RAD18: variants seen among roughly 807,000 people sequenced by gnomAD.
RAD18 encodes E3 ubiquitin-protein ligase RAD18.
Under a neutral mutation model 60.4 loss-of-function variants are expected in RAD18, and 47 were observed. The ratio of observed to expected loss-of-function variants is 0.78; its 90% confidence interval spans 0.62 to 0.99. The LOEUF (loss-of-function observed/expected upper bound fraction) is 0.99. Ranked by LOEUF, RAD18 falls within the 50% of genes least tolerant of loss-of-function variation. The pLI, the probability that RAD18 is intolerant of heterozygous loss-of-function variation, is 0.00. For missense variants in RAD18, 640 were observed against 593.3 expected, an observed-to-expected ratio of 1.08 and a Z score of -0.82; for synonymous variants, 225 against 195.5, an observed-to-expected ratio of 1.15 and a Z score of -1.26.
intron 9 of RAD18, among the ~76,000 whole-genome samples, chr3:8,903,206 T>C (rs1439060557): frequency 2.0e-5 from 3 of 152,174 alleles, no homozygotes; most frequent in Non-Finnish European, 2.9e-5. Context: ...AAACATGATA[T>C]TCCTAGTTAG....
chr3:8,884,872 T>A (rs1211899144), intron 12 of RAD18, among the ~76,000 whole-genome samples: 5 of 152,242 alleles, frequency 3.3e-5, no homozygotes, highest in Non-Finnish European at 5.9e-5. Flanking sequence ...ATTGACTTAC[T>A]GGAATAACAC....
chr3:8,922,666 C>T (rs544600853), intron 7 of RAD18, among the ~76,000 whole-genome samples: 1 of 152,332 alleles, frequency 6.6e-6, no homozygotes, highest in South Asian at 2.1e-4. Flanking sequence ...AGGCACCTCC[C>T]AGTAGGGGCA....
chr3:8,917,610 A>G (rs1476464755), intron 7 of RAD18, among the ~76,000 whole-genome samples: 1 of 152,158 alleles, frequency 6.6e-6, no homozygotes, highest in Non-Finnish European at 1.5e-5. Flanking sequence ...TGCAAACCCT[A>G]GAGAGAACAC....
At chr3:8,945,280 G>A (rs1024075115) in intron 4 of RAD18, among the ~76,000 whole-genome samples, 2 of 152,034 alleles carry the variant, frequency 1.3e-5, no homozygotes, top group Non-Finnish European at 2.9e-5. Flanking sequence ...AAAGAAATCT[G>A]TTTATATTTT....
At chr3:8,915,289 G>A (rs571972237) in intron 7 of RAD18, among the ~76,000 whole-genome samples, 30 of 152,192 alleles carry the variant, frequency 2.0e-4, no homozygotes, top group African/African-American at 7.0e-4. Flanking sequence ...GAGAAAAAGC[G>A]GGATAACTTA....
At chr3:8,927,031 A>G (rs983189188) in intron 7 of RAD18, among the ~76,000 whole-genome samples, 5 of 152,138 alleles carry the variant, frequency 3.3e-5, no homozygotes, top group African/African-American at 1.2e-4. Flanking sequence ...ACCAAAAGCA[A>G]TGGCAACAAA....
intron 9 of RAD18, among the ~76,000 whole-genome samples, chr3:8,910,671 CT>C (rs2125054278): frequency 6.6e-6 from 1 of 151,918 alleles, no homozygotes; most frequent in African/African-American, 2.4e-5. Context: ...AATTGTCTGG[CT>C]TGAGCCATAA....
Position 8,913,649 on chromosome 3 carries a change from C to T in RAD18, c.961G>A (p.Glu321Lys). 6.4e-7 allele frequency: 1 copy of T among 1,554,018 alleles called. No individual in the cohort carries two copies. The highest frequency in any genetic ancestry group is 1.2e-5 in the South Asian group (1 of 82,866). Reference protein sequence around the residue: ...RMRLEASKLNESVMVFTKDQT... With the variant: ...RMRLEASKLNKSVMVFTKDQT... ...GAAATAGCCCATTAACATACACTTT[C>T]ATTGAGTTTACTAGCTTCAAGACGC... The change falls in exon 8 of 13, where the codon GAA (glutamate) becomes AAA (lysine). Residue 321 changes from glutamate to lysine, a missense_variant. Transcript: ENST00000264926.
chr3:8,890,200 A>C lies in RAD18; in HGVS notation c.1385+189T>G, dbSNP rs1297615116. On this transcript the variant is annotated intron_variant, in intron 12 of 12. Coordinates refer to ENST00000264926, the MANE Select transcript of RAD18 (RefSeq NM_020165.4). ...CATCTGATACATAACTACAGTTATTACATAGGATTCCATTTCTTAGCAGAA... is the reference window on the plus strand; with the variant it reads ...CATCTGATACATAACTACAGTTATTCCATAGGATTCCATTTCTTAGCAGAA... 2.1e-5 allele frequency: 12 copies of C among 577,612 alleles called. 1 individual carries two copies. Among genetic ancestry groups the C allele is most frequent in the African/African-American group, 3.7e-5 (2 of 53,418 alleles). 35.8% of individuals were successfully genotyped at this position (577,612 alleles called of 1,614,324 possible).
At chr3:8,915,262 ACT>A (rs148204417) in intron 7 of RAD18, among the ~76,000 whole-genome samples, 15 of 152,096 alleles carry the variant, frequency 9.9e-5, no homozygotes, top group Non-Finnish European at 1.8e-4. Flanking sequence ...AAATAATGTC[ACT>A]CTCACCCTAA....
At chr3:8,927,199 C>A (rs1161826) in intron 7 of RAD18, among the ~76,000 whole-genome samples, 105,005 of 152,042 alleles carry the variant, frequency 0.69, 36,808 homozygotes, top group Middle Eastern at 0.77. Flanking sequence ...CAATGAACTC[C>A]AACAAATTTA....
intron 6 of RAD18, 94 bp downstream of exon 6, chr3:8,939,460 T>C (rs1575556886): frequency 1.0e-6 from 1 of 1,004,990 alleles, no homozygotes; most frequent in Middle Eastern, 2.2e-4. Flanking sequence ...GGAAATACGG[T>C]CACCAGGATA....
At chr3:8,913,446 C>T (rs1302229621) in intron 8 of RAD18, among the ~76,000 whole-genome samples, 198 bp downstream of exon 8, 1 of 152,138 alleles carries the variant, frequency 6.6e-6, no homozygotes, top group Non-Finnish European at 1.5e-5. Flanking sequence ...ACAAACTCTA[C>T]TTTGGATTGC....
At chr3:8,934,302 A>G (rs745933891) in intron 7 of RAD18, among the ~76,000 whole-genome samples, 47 of 152,254 alleles carry the variant, frequency 3.1e-4, no homozygotes, top group Non-Finnish European at 6.3e-4. Flanking sequence ...CTACTCTTCA[A>G]TGATGCCATT....
At chr3:8,963,272 C>T in intron 1 of RAD18, 63 bp downstream of exon 1, 1 of 1,508,928 alleles carries the variant, frequency 6.6e-7, no homozygotes, top group Non-Finnish European at 9.0e-7. Context: ...GGACATCCTC[C>T]TCAAAGGGAG....
intron 1 of RAD18, among the ~76,000 whole-genome samples, chr3:8,962,416 C>G (rs1941106048): frequency 6.6e-6 from 1 of 152,356 alleles, no homozygotes; most frequent in African/African-American, 2.4e-5. Context: ...CTAGACGTCA[C>G]TGATGACAGC....
At position 8,937,908 on chromosome 3, in the gene RAD18, G is replaced by A. The variant is rs150410630; in HGVS notation, c.704+1646C>T. ...CCACTATTAGAACTTAATTACACATGGACGAGTATGTCTTCAAACAAACTG... is the reference window on the plus strand; with the variant it reads ...CCACTATTAGAACTTAATTACACATAGACGAGTATGTCTTCAAACAAACTG... On this transcript the variant is annotated intron_variant, in intron 6 of 12. Transcript: ENST00000264926. Among the ~76,000 whole-genome samples, 501 of 152,168 alleles carry A rather than the reference G, an allele frequency of 3.3e-3. 3 individuals are homozygous for A. Among genetic ancestry groups the A allele is most frequent in the Middle Eastern group, 0.014 (4 of 292 alleles).
intron 11 of RAD18, among the ~76,000 whole-genome samples, chr3:8,892,860 C>T (rs1434051819): frequency 1.3e-5 from 2 of 152,126 alleles, no homozygotes; most frequent in African/African-American, 4.8e-5. Context: ...AAGTTGAGGT[C>T]CCATTTCTGT....
chr3:8,909,671 A>G (rs1456822045), intron 9 of RAD18, among the ~76,000 whole-genome samples: 1 of 152,218 alleles, frequency 6.6e-6, no homozygotes, highest in Non-Finnish European at 1.5e-5. Context: ...CAGCCAAATT[A>G]TCAATCAATA....
Sources: gnomAD v4.1 joint callset for allele counts (sites outside exome capture counted in the v4.1 genomes callset) on GRCh38, gnomAD v4.1.1 for gene constraint, MANE v1.5 for transcripts, NCBI Gene and HGNC (gene_info 2026-07-23, HGNC 2026-07-21) for gene names.